FOXK1: variants seen among roughly 807,000 people sequenced by gnomAD.
FOXK1 encodes forkhead box protein K1.
Under a neutral mutation model 51.9 loss-of-function variants are expected in FOXK1, and 19 were observed. The ratio of observed to expected loss-of-function variants is 0.37; its 90% confidence interval spans 0.26 to 0.54. The LOEUF (loss-of-function observed/expected upper bound fraction) is 0.54, where lower values mean the gene tolerates loss of function less well. FOXK1 is among the 20% of genes least tolerant of loss of function. The pLI is 0.87. For missense variants in FOXK1, 870 were observed against 1,032.7 expected, an observed-to-expected ratio of 0.84 and a Z score of 2.16; for synonymous variants, 537 against 482.6, an observed-to-expected ratio of 1.11 and a Z score of -1.48.
At chr7:4,691,501 A>G (rs1779891027) in intron 1 of FOXK1, among the ~76,000 whole-genome samples, 1 of 151,934 alleles carries the variant, frequency 6.6e-6, no homozygotes, top group Admixed American at 6.6e-5. Context: ...CGCCCAGCTA[A>G]TTTTTGTATT....
chr7:4,741,297 G>GA (rs1554253567), intron 2 of FOXK1, among the ~76,000 whole-genome samples: 3 of 150,340 alleles, frequency 2.0e-5, no homozygotes, highest in Non-Finnish European at 1.5e-5. Flanking sequence ...GTTGTTTTTT[G>GA]TTTTTTTTTA....
intron 1 of FOXK1, among the ~76,000 whole-genome samples, chr7:4,694,186 A>G (rs1779925759): frequency 1.3e-5 from 2 of 152,216 alleles, no homozygotes; most frequent in South Asian, 4.1e-4. Context: ...GCGCCCAGCC[A>G]GAATGTGTTT....
intron 2 of FOXK1, among the ~76,000 whole-genome samples, chr7:4,742,106 G>A (rs190719096): frequency 7.9e-5 from 12 of 152,366 alleles, no homozygotes; most frequent in East Asian, 5.8e-4. Flanking sequence ...TGGCTCCTCC[G>A]CAGCACCAGC....
At chr7:4,728,751 A>G (rs1018656605) in intron 1 of FOXK1, among the ~76,000 whole-genome samples, 1 of 149,670 alleles carries the variant, frequency 6.7e-6, no homozygotes, top group African/African-American at 2.5e-5. Flanking sequence ...AAAAAAAAAA[A>G]GAAAGAAAAG....
rs1780737284 is a variant in FOXK1 at position 4,748,759 on chromosome 7, G to C, written c.747-5700G>C. Among the ~76,000 whole-genome samples the C allele has an allele frequency of 6.6e-6, 1 of 152,212 alleles. No individual in the cohort carries two copies. Among genetic ancestry groups the C allele is most frequent in the Non-Finnish European group, 1.5e-5 (1 of 68,032 alleles). Reference sequence around the variant, plus strand: ...AGACAAGGTCTCACTTTGTTGCCCAGGCTGGTACTTCTGGGCTCAAGCGAG... The same window carrying C: ...AGACAAGGTCTCACTTTGTTGCCCACGCTGGTACTTCTGGGCTCAAGCGAG... On this transcript the variant is annotated intron_variant, in intron 2 of 8. Coordinates refer to ENST00000328914, the MANE Select transcript of FOXK1 (RefSeq NM_001037165.2). This position sits in a 1 kb window ranked among gnomAD's most constrained non-coding sequence, Gnocchi z 4.9.
In FOXK1 at chr7:4,755,053, C is replaced by G; in HGVS notation, c.904-184C>G. On this transcript the variant is annotated intron_variant, in intron 3 of 8. Coordinates refer to ENST00000328914, the MANE Select transcript of FOXK1 (RefSeq NM_001037165.2). The surrounding 1 kb of genome is among the most constrained non-coding windows in gnomAD (Gnocchi z 6.6). ...AACCGAAGTTTTCCTTCCCATGAGG[C>G]AAAAATGGTTGTTCCTAGTTGAATG... The G allele has an allele frequency of 4.4e-6, 3 of 678,278 alleles. No individual in the cohort carries two copies. The highest frequency in any genetic ancestry group is 4.3e-5 in the South Asian group (2 of 46,204). The allele number at this position is 678,278 out of a possible 1,614,324, so 42.0% of individuals were successfully genotyped here.
chr7:4,684,971 G>A (rs899415406), intron 1 of FOXK1, among the ~76,000 whole-genome samples: 3 of 151,900 alleles, frequency 2.0e-5, no homozygotes, highest in African/African-American at 7.3e-5. Context: ...TCGTGTTCTC[G>A]GTGGGTGCAT....
rs1193520166 is a variant in FOXK1, at chr7:4,718,859, G to A, written c.561-21979G>A. On this transcript the variant is annotated intron_variant, in intron 1 of 8. Transcript: ENST00000328914. ...AGTTTCACTCTTGTCACCCAGGCTG[G>A]AGTGCAGTGGCACAATCTCGGCTCC... Among the ~76,000 whole-genome samples the A allele has an allele frequency of 2.0e-5, 3 of 152,160 alleles. No individual in the cohort carries two copies. In the East Asian group the frequency reaches 5.8e-4, roughly 29 times the overall value.
In FOXK1 at chr7:4,749,558, C is replaced by T. The variant is rs1347658499; in HGVS notation, c.747-4901C>T. Reference sequence around the variant, plus strand: ...CCCTCCACTGCCCACAAGGCTCCGTCGCAGCTCCTTCCTCCAGCCCCTCCA... The same window carrying T: ...CCCTCCACTGCCCACAAGGCTCCGTTGCAGCTCCTTCCTCCAGCCCCTCCA... On this transcript the variant is annotated intron_variant, in intron 2 of 8. Coordinates refer to ENST00000328914, the MANE Select transcript of FOXK1 (RefSeq NM_001037165.2). This position sits in a 1 kb window ranked among gnomAD's most constrained non-coding sequence, Gnocchi z 6.0. Among the ~76,000 whole-genome samples, 1 of 152,196 alleles carries T rather than the reference C, an allele frequency of 6.6e-6. No homozygotes were observed. Among genetic ancestry groups the T allele is most frequent in the East Asian group, 1.9e-4 (1 of 5,188 alleles).
At chr7:4,721,779 CAG>C (rs904561303) in intron 1 of FOXK1, among the ~76,000 whole-genome samples, 42 of 151,560 alleles carry the variant, frequency 2.8e-4, no homozygotes, top group African/African-American at 9.9e-4. Context: ...TTAGTATAGA[CAG>C]AGTTTCACCG....
chr7:4,765,327 C>T lies in FOXK1; in HGVS notation c.*2863C>T, dbSNP rs1780995922. 6.6e-6 allele frequency: 1 copy of T among 152,324 alleles called. No homozygotes were observed. Among genetic ancestry groups the T allele is most frequent in the South Asian group, 2.1e-4 (1 of 4,832 alleles). 9.4% of individuals were successfully genotyped at this position (152,324 alleles called of 1,614,324 possible). On this transcript the variant is annotated 3_prime_UTR_variant, in exon 9 of 9. Transcript: ENST00000328914. ...GCATGTCCCGGCCACAAAGCCCTCCCTGTGTGCCCTGAGCCAGCCCAGCAA... is the reference window on the plus strand; with the variant it reads ...GCATGTCCCGGCCACAAAGCCCTCCTTGTGTGCCCTGAGCCAGCCCAGCAA...
Position 4,682,879 on chromosome 7 carries a change from C to A in FOXK1, c.560+11C>A. The A allele has an allele frequency of 6.9e-7, 1 of 1,454,838 alleles. No individual in the cohort carries two copies. Among genetic ancestry groups the A allele is most frequent in the Non-Finnish European group, 9.1e-7 (1 of 1,102,156 alleles). 90.1% of individuals were successfully genotyped at this position (1,454,838 alleles called of 1,614,324 possible). ...GCAGCTGCCCAAGCAGTGAGTGGCC[C>A]CGCGACCCCCGCCGCCCGCACCCGG... On this transcript the variant is annotated intron_variant, in intron 1 of 8. Transcript: ENST00000328914. The surrounding 1 kb of genome is among the most constrained non-coding windows in gnomAD (Gnocchi z 7.6).
At chr7:4,688,362 A>C (rs897226434) in intron 1 of FOXK1, among the ~76,000 whole-genome samples, 1 of 149,278 alleles carries the variant, frequency 6.7e-6, no homozygotes, top group African/African-American at 2.4e-5. Flanking sequence ...GGTTTCTCTT[A>C]CTGTCGGCAT....
In FOXK1 at chr7:4,764,508, C is replaced by T. The variant is rs1008111484; in HGVS notation, c.*2044C>T. 1 of 153,936 alleles carries T rather than the reference C, an allele frequency of 6.5e-6. No individual in the cohort carries two copies. The highest frequency in any genetic ancestry group is 2.4e-5 in the African/African-American group (1 of 41,514). The allele number at this position is 153,936 out of a possible 1,614,324, so 9.5% of individuals were successfully genotyped here. A position where few individuals can be genotyped will look rare whatever the true frequency, so the allele number is the denominator to read the frequency against. ...CCACACTTGTGTCGCCTGCTGTTGT[C>T]TGTGGGCCTTTTCTTTCCGTGGTGC... On this transcript the variant is annotated 3_prime_UTR_variant, in exon 9 of 9. Transcript: ENST00000328914.
intron 1 of FOXK1, among the ~76,000 whole-genome samples, chr7:4,738,242 G>C (rs1306062501): frequency 1.3e-5 from 2 of 151,408 alleles, no homozygotes; most frequent in Non-Finnish European, 2.9e-5. Flanking sequence ...TTTGAGACCA[G>C]CCTGGCCAAC....
In FOXK1 at chr7:4,747,479, T is replaced by C. The variant is rs193038937; in HGVS notation, c.746+6456T>C. 6.3e-4 allele frequency among the ~76,000 whole-genome samples: 96 copies of C among 152,358 alleles called. 1 individual carries two copies. In the East Asian group the frequency reaches 0.018, roughly 28 times the overall value. ...CTTCAGAAACAAGTTAATTTTATTT[T>C]CTAAATTATTATTTTTAATGCTGGT... is the stretch of plus-strand genomic sequence containing the variant. On this transcript the variant is annotated intron_variant, in intron 2 of 8. Coordinates refer to ENST00000328914, the MANE Select transcript of FOXK1 (RefSeq NM_001037165.2). The surrounding 1 kb of genome is among the most constrained non-coding windows in gnomAD (Gnocchi z 9.2).
At chr7:4,700,031 G>A (rs542275424) in intron 1 of FOXK1, among the ~76,000 whole-genome samples, 3 of 152,276 alleles carry the variant, frequency 2.0e-5, no homozygotes, top group South Asian at 2.1e-4. Flanking sequence ...CCTGTGAAGC[G>A]TTTCAGAGTA....
At position 4,729,277 on chromosome 7, in the gene FOXK1, G is replaced by C. The variant is rs1159277352; in HGVS notation, c.561-11561G>C. 6.6e-6 allele frequency among the ~76,000 whole-genome samples: 1 copy of C among 152,174 alleles called. No individual in the cohort carries two copies. The highest frequency in any genetic ancestry group is 1.5e-5 in the Non-Finnish European group (1 of 68,028). On this transcript the variant is annotated intron_variant, in intron 1 of 8. Transcript: ENST00000328914. This position sits in a 1 kb window ranked among gnomAD's most constrained non-coding sequence, Gnocchi z 6.2. ...CCTGGGCCAGGCAGGGTTGTCTGGG[G>C]AGTGGAACGTCTGCTAGAAATGCAG...
In FOXK1 at chr7:4,729,215, C is replaced by T. The variant is rs1780418855; in HGVS notation, c.561-11623C>T. Reference sequence around the variant, plus strand: ...ATTTCGGAGCCTACTCTCCGATCCTCAGGATCCTCTTCGGGAGCAGCAGGC... The same window carrying T: ...ATTTCGGAGCCTACTCTCCGATCCTTAGGATCCTCTTCGGGAGCAGCAGGC... On this transcript the variant is annotated intron_variant, in intron 1 of 8. Coordinates refer to ENST00000328914, the MANE Select transcript of FOXK1 (RefSeq NM_001037165.2). The surrounding 1 kb of genome is among the most constrained non-coding windows in gnomAD (Gnocchi z 6.2). Among the ~76,000 whole-genome samples, 1 of 152,184 alleles carries T rather than the reference C, an allele frequency of 6.6e-6. No homozygotes were observed. The highest frequency in any genetic ancestry group is 2.4e-5 in the African/African-American group (1 of 41,452).
Sources: allele counts gnomAD v4.1 joint callset (sites outside exome capture counted in the v4.1 genomes callset), GRCh38; gene constraint gnomAD v4.1.1; non-coding constraint Gnocchi (gnomAD v3.1); transcripts MANE v1.5; gene names NCBI Gene and HGNC (gene_info 2026-07-23, HGNC 2026-07-21).